CRTC3: variants seen among roughly 807,000 people sequenced by gnomAD.
The protein encoded by CRTC3 is CREB-regulated transcription coactivator 3.
Under a neutral mutation model 74.5 loss-of-function variants are expected in CRTC3, and 26 were observed. That is an observed-to-expected ratio of 0.35 (90% CI 0.26 to 0.48). The LOEUF (loss-of-function observed/expected upper bound fraction) is 0.48, where lower values mean the gene tolerates loss of function less well. CRTC3 is among the 20% of genes least tolerant of loss of function. The pLI, the probability that CRTC3 is intolerant of heterozygous loss-of-function variation, is 0.99. For synonymous variants in CRTC3, 377 were observed against 325.8 expected (o/e 1.16, Z -1.69); for missense variants, 760 against 787.3 (o/e 0.97, Z 0.41).
Position 90,633,578 on chromosome 15 carries a change from C to T in CRTC3, c.1266+4046C>T, listed in dbSNP as rs565820420. ...TTTTGTCCCCAGTGTTCTGAAACTTCAAGATGATGTGGCTTGGCGTGAGTC... is the reference window on the plus strand; with the variant it reads ...TTTTGTCCCCAGTGTTCTGAAACTTTAAGATGATGTGGCTTGGCGTGAGTC... On this transcript the variant is annotated intron_variant, in intron 11 of 14. Coordinates refer to ENST00000268184, the MANE Select transcript of CRTC3 (RefSeq NM_022769.5). 8.5e-5 allele frequency among the ~76,000 whole-genome samples: 13 copies of T among 152,298 alleles called. No homozygotes were observed. The South Asian group carries it at 2.7e-3, about 32-fold the overall frequency.
In CRTC3 at chr15:90,638,482, C is replaced by T. The variant is rs780209808; in HGVS notation, c.1303C>T (p.Pro435Ser). Residue 435 changes from proline to serine, a missense_variant, in exon 12 of 15, where the codon CCC becomes TCC. This residue lies in a region of CRTC3 where 652 missense variants were observed against 635.2 expected (regional missense o/e 1.03). Coordinates refer to ENST00000268184, the MANE Select transcript of CRTC3 (RefSeq NM_022769.5). ...SSDRSQLSFLPTEAQAQVSPP... is the reference protein window; with the variant it reads ...SSDRSQLSFLSTEAQAQVSPP... ...AGACCGAAGCCAACTTTCCTTTCTG[C>T]CCACAGAAGCTCAAGCCCAGGTGTC... 105 of 1,613,932 alleles carry T rather than the reference C, an allele frequency of 6.5e-5. 3 individuals carry two copies. In the South Asian group the frequency reaches 1.1e-3, roughly 17 times the overall value.
At chr15:90,606,431 G>GCA (rs1202453846) in intron 5 of CRTC3, among the ~76,000 whole-genome samples, 1 of 151,900 alleles carries the variant, frequency 6.6e-6, no homozygotes, top group Non-Finnish European at 1.5e-5. Flanking sequence ...GCATGGTGAC[G>GCA]CACGTCTATA....
intron 2 of CRTC3, among the ~76,000 whole-genome samples, chr15:90,547,452 T>C (rs751746788): frequency 6.6e-5 from 10 of 152,242 alleles, no homozygotes; most frequent in Non-Finnish European, 1.5e-4. Flanking sequence ...TATTTTAATA[T>C]ACTAAAGACC....
intron 2 of CRTC3, among the ~76,000 whole-genome samples, chr15:90,568,446 G>A (rs1470414332): frequency 1.3e-5 from 2 of 152,064 alleles, no homozygotes; most frequent in African/African-American, 4.8e-5. Flanking sequence ...TGCCTCATGG[G>A]TTCAAGCGAT....
At chr15:90,541,738 T>C (rs564379729) in intron 2 of CRTC3, among the ~76,000 whole-genome samples, 3 of 152,124 alleles carry the variant, frequency 2.0e-5, no homozygotes, top group African/African-American at 4.8e-5. Context: ...TCCGGTTGCA[T>C]TGGGGAATGG....
chr15:90,639,813 C>T (rs923554738), intron 13 of CRTC3, among the ~76,000 whole-genome samples: 4 of 149,930 alleles, frequency 2.7e-5, no homozygotes, highest in Non-Finnish European at 4.5e-5. Flanking sequence ...TTTGGGAGGC[C>T]GAGGCGGGCG....
intron 11 of CRTC3, among the ~76,000 whole-genome samples, chr15:90,635,226 A>G (rs1175675890): frequency 6.6e-6 from 1 of 152,128 alleles, no homozygotes; most frequent in African/African-American, 2.4e-5. Flanking sequence ...ATGAGAAAAA[A>G]AAAAGGACAC....
rs1967212948 is a variant in CRTC3, at chr15:90,569,575, A to G, written c.232-24061A>G. Among the ~76,000 whole-genome samples, 2 of 80,880 alleles carry G rather than the reference A, an allele frequency of 2.5e-5. 1 individual carries two copies. Among genetic ancestry groups the G allele is most frequent in the Admixed American group, 2.5e-4 (2 of 7,912 alleles). The allele number at this position is 80,880 out of a possible 152,430, so 53.1% of individuals were successfully genotyped here. A position where few individuals can be genotyped will look rare whatever the true frequency, so the allele number is the denominator to read the frequency against. ...ACATATACCTGTTGTAAATTGGTATACGTCTTTTTTGCTTTTTGTTTTAGA... is the reference window on the plus strand; with the variant it reads ...ACATATACCTGTTGTAAATTGGTATGCGTCTTTTTTGCTTTTTGTTTTAGA... On this transcript the variant is annotated intron_variant, in intron 2 of 14. Coordinates refer to ENST00000268184, the MANE Select transcript of CRTC3 (RefSeq NM_022769.5).
intron 8 of CRTC3, 171 bp downstream of exon 8, chr15:90,618,139 G>A (rs980531259): frequency 6.3e-5 from 28 of 441,456 alleles, no homozygotes; most frequent in Middle Eastern, 3.3e-4. Context: ...AAAAATTATC[G>A]CGCTTGTGTC....
intron 3 of CRTC3, among the ~76,000 whole-genome samples, chr15:90,600,994 G>A (rs1255528559): frequency 6.6e-6 from 1 of 152,150 alleles, no homozygotes; most frequent in African/African-American, 2.4e-5. Flanking sequence ...AAAGCTGGAG[G>A]GAAGACAAGA....
chr15:90,618,828 A>T (rs1366039805), intron 8 of CRTC3, among the ~76,000 whole-genome samples: 1 of 152,226 alleles, frequency 6.6e-6, no homozygotes, highest in African/African-American at 2.4e-5. Context: ...TAAAATTTAC[A>T]TATTTAAACA....
chr15:90,570,410 C>A (rs1363816841), intron 2 of CRTC3, among the ~76,000 whole-genome samples: 1 of 152,078 alleles, frequency 6.6e-6, no homozygotes, highest in African/African-American at 2.4e-5. Context: ...TCTTTATAGA[C>A]CCTCATTAGA....
intron 2 of CRTC3, among the ~76,000 whole-genome samples, chr15:90,591,431 T>C (rs1402610363): frequency 6.6e-6 from 1 of 152,092 alleles, no homozygotes; most frequent in African/African-American, 2.4e-5. Flanking sequence ...GAAAATTTAA[T>C]AGGAAGTCTA....
Position 90,561,422 on chromosome 15 carries a change from T to C in CRTC3, c.231+21285T>C, listed in dbSNP as rs943529374. On this transcript the variant is annotated intron_variant, in intron 2 of 14. Transcript: ENST00000268184. The stretch of plus-strand genomic sequence containing the variant: ...CTTCACAGACTAGATAAAAATACTT[T>C]TGCTGAAGTCTTAATCGGCCTGTCC... Among the ~76,000 whole-genome samples, 7 of 152,312 alleles carry C rather than the reference T, an allele frequency of 4.6e-5. No homozygotes were observed. In the East Asian group the frequency reaches 1.3e-3, roughly 29 times the overall value.
intron 2 of CRTC3, among the ~76,000 whole-genome samples, chr15:90,556,978 A>G: frequency 7.0e-6 from 1 of 142,254 alleles, no homozygotes; most frequent in African/African-American, 2.6e-5. Context: ...ATATATATAT[A>G]TATATATATA....
At chr15:90,584,200 C>A (rs1198371123) in intron 2 of CRTC3, among the ~76,000 whole-genome samples, 2 of 150,466 alleles carry the variant, frequency 1.3e-5, no homozygotes, top group Non-Finnish European at 2.9e-5. Context: ...ACCTGCCTTA[C>A]TTCCTAAACT....
intron 2 of CRTC3, among the ~76,000 whole-genome samples, chr15:90,549,849 CCT>C (rs533932901): frequency 2.1e-3 from 323 of 151,490 alleles, no homozygotes; most frequent in African/African-American, 7.6e-3. Flanking sequence ...ACTACAGGCG[CCT>C]GCCACCATGC....
chr15:90,554,856 T>C (rs1221464665), intron 2 of CRTC3, among the ~76,000 whole-genome samples: 1 of 152,234 alleles, frequency 6.6e-6, no homozygotes, highest in African/African-American at 2.4e-5. Flanking sequence ...GGTTACAAGT[T>C]ATGTTTCTTA....
At chr15:90,589,095 C>A (rs749727973) in intron 2 of CRTC3, among the ~76,000 whole-genome samples, 7 of 152,076 alleles carry the variant, frequency 4.6e-5, no homozygotes, top group Admixed American at 1.3e-4. Flanking sequence ...CTTACTCTGT[C>A]ACCCAGGCTG....
Sources: gnomAD v4.1 joint callset for allele counts (sites outside exome capture counted in the v4.1 genomes callset) on GRCh38, gnomAD v4.1.1 for gene constraint, gnomAD v4.1.1 regional missense constraint, MANE v1.5 for transcripts, NCBI Gene and HGNC (gene_info 2026-07-23, HGNC 2026-07-21) for gene names.